Variants in VWA5B2 observed in about 807,000 individuals in gnomAD.
VWA5B2 encodes von Willebrand factor A domain-containing protein 5B2.
VWA5B2 carries 93 observed loss-of-function variants against 118.5 expected under a neutral mutation model. That is an observed-to-expected ratio of 0.79 (90% CI 0.66 to 0.93). The LOEUF (loss-of-function observed/expected upper bound fraction) is 0.93. Ranked by LOEUF, VWA5B2 falls within the 40% of genes least tolerant of loss-of-function variation. The probability of loss-of-function intolerance (pLI) is 0.00; values close to 1 mark genes in which losing one functional copy is unlikely to be tolerated. For synonymous variants in VWA5B2, 708 were observed against 716.3 expected (o/e 0.99, Z 0.19); for missense variants, 1,546 against 1,672.8 (o/e 0.92, Z 1.32).
In VWA5B2 at chr3:184,241,244, A is replaced by G. The variant is rs1473668812; in HGVS notation, c.3020A>G (p.Lys1007Arg). ...AWDSDQNGNS[K>R]RALGDPATPT... ...GACTCGGACCAAAATGGCAACTCCA[A>G]GCGTGCTTTGGGGGACCCTGCCACT... Residue 1007 changes from lysine to arginine, a missense_variant, in exon 19 of 20, where the codon AAG (lysine) becomes AGG (arginine). By Grantham distance (26) the Lys-to-Arg change is conservative. Coordinates refer to ENST00000691901, the MANE Select transcript of VWA5B2 (RefSeq NM_001390846.1). The surrounding 1 kb of genome is among the most constrained non-coding windows in gnomAD (Gnocchi z 5.1). The G allele has an allele frequency of 6.4e-6, 10 of 1,551,108 alleles. No individual in the cohort carries two copies. Among genetic ancestry groups the G allele is most frequent in the Admixed American group, 3.9e-5 (2 of 50,954 alleles).
intron 1 of VWA5B2, among the ~76,000 whole-genome samples, 116 bp downstream of exon 1, chr3:184,229,829 G>A (rs540439028): frequency 6.6e-6 from 1 of 152,260 alleles, no homozygotes; most frequent in Admixed American, 6.5e-5. Context: ...CTCTGCCGGG[G>A]TAGGGAGCGG....
Position 184,241,126 on chromosome 3 carries a change from G to C in VWA5B2, c.2962+19G>C, listed in dbSNP as rs1421455757. On this transcript the variant is annotated intron_variant, in intron 18 of 19. Coordinates refer to ENST00000691901, the MANE Select transcript of VWA5B2 (RefSeq NM_001390846.1). The surrounding 1 kb of genome is among the most constrained non-coding windows in gnomAD (Gnocchi z 5.1). ...TCTAAAGGTAACACCCAAAGGTAGG[G>C]AAAGGGTAGGGGCACTTGGGCTTAG... 2.6e-6 allele frequency: 4 copies of C among 1,551,626 alleles called. No homozygotes were observed. The African/African-American group carries it at 4.1e-5, about 16-fold the overall frequency.
chr3:184,240,678 C>T, intron 16 of VWA5B2, 113 bp from the exon 17 acceptor site: 1 of 1,414,686 alleles, frequency 7.1e-7, no homozygotes, highest in Non-Finnish European at 9.4e-7. Flanking sequence ...AGGCAATCTA[C>T]TCTGTTAAAG....
chr3:184,239,849 C>G lies in VWA5B2; in HGVS notation c.2553C>G (p.Pro851=). The change falls in exon 16 of 20, where the codon CCC becomes CCG. Residue 851 remains proline (P), a synonymous_variant. Transcript: ENST00000691901. The surrounding 1 kb of genome is among the most constrained non-coding windows in gnomAD (Gnocchi z 5.1). ...TCCGGGGCCTGTGTGGGGAGCAGCCCATGTGCTGGGAGGTGGGTGTTGGGC... is the reference window on the plus strand; with the variant it reads ...TCCGGGGCCTGTGTGGGGAGCAGCCGATGTGCTGGGAGGTGGGTGTTGGGC... ...VVIRGLCGEQ[P]MCWEVGVGLE... 6.4e-7 allele frequency: 1 copy of G among 1,551,652 alleles called. No individual in the cohort carries two copies. The highest frequency in any genetic ancestry group is 8.7e-7 in the Non-Finnish European group (1 of 1,146,958).
In VWA5B2 at chr3:184,241,432, G is replaced by A. The variant is rs1248601105; in HGVS notation, c.3180+28G>A. ...GAGGACTCGGGAGGTGGAGGGTGGT[G>A]CCGCCGGGGCCGGGCGCTGTTTCAG... On this transcript the variant is annotated intron_variant, in intron 19 of 19. Coordinates refer to ENST00000691901, the MANE Select transcript of VWA5B2 (RefSeq NM_001390846.1). The surrounding 1 kb of genome is among the most constrained non-coding windows in gnomAD (Gnocchi z 5.1). 1.3e-6 allele frequency: 2 copies of A among 1,570,160 alleles called. No individual in the cohort carries two copies. The highest frequency in any genetic ancestry group is 1.2e-5 in the South Asian group (1 of 85,236).
chr3:184,235,586 A>G (rs569850059), intron 8 of VWA5B2, among the ~76,000 whole-genome samples: 1 of 152,276 alleles, frequency 6.6e-6, no homozygotes, highest in East Asian at 1.9e-4. Context: ...ACTCAGTCAC[A>G]GGGAGTCACT....
rs928042882 is a variant in VWA5B2, at chr3:184,229,672, A to G, written c.-191A>G. On this transcript the variant is annotated 5_prime_UTR_variant, in exon 1 of 20. Transcript: ENST00000691901. ...GGAGCGCAGAGGCGGCACCACCCACACGGATCCCGTGGGCACCTAGAACTC... is the reference window on the plus strand; with the variant it reads ...GGAGCGCAGAGGCGGCACCACCCACGCGGATCCCGTGGGCACCTAGAACTC... Among the ~76,000 whole-genome samples the G allele has an allele frequency of 6.6e-6, 1 of 152,050 alleles. No homozygotes were observed. The highest frequency in any genetic ancestry group is 1.5e-5 in the Non-Finnish European group (1 of 67,958).
At chr3:184,230,002 A>G (rs991307277) in intron 1 of VWA5B2, among the ~76,000 whole-genome samples, 4 of 152,168 alleles carry the variant, frequency 2.6e-5, no homozygotes, top group African/African-American at 7.2e-5. Context: ...AGAAAGACCA[A>G]GGCCCTTTCG....
rs1717685355 is a variant in VWA5B2 at position 184,233,955 on chromosome 3, A to C, written c.688+222A>C. On this transcript the variant is annotated intron_variant, in intron 5 of 19. Coordinates refer to ENST00000691901, the MANE Select transcript of VWA5B2 (RefSeq NM_001390846.1). This position sits in a 1 kb window ranked among gnomAD's most constrained non-coding sequence, Gnocchi z 5.2. ...AGGTAATTTATTTATATCTCATCCC[A>C]CCCAGCAGTGGGAAGAGAGATACTT... 6.6e-6 allele frequency among the ~76,000 whole-genome samples: 1 copy of C among 152,110 alleles called. No homozygotes were observed. Among genetic ancestry groups the C allele is most frequent in the African/African-American group, 2.4e-5 (1 of 41,408 alleles).
At chr3:184,240,709 G>C in intron 16 of VWA5B2, 82 bp from the exon 17 acceptor site, 1 of 1,506,344 alleles carries the variant, frequency 6.6e-7, no homozygotes, top group Non-Finnish European at 8.9e-7. Flanking sequence ...GAGAAGCTGG[G>C]GAGAACACTG....
Position 184,237,401 on chromosome 3 carries a change from G to T in VWA5B2, c.1709G>T (p.Arg570Leu). 1 of 1,548,602 alleles carries T rather than the reference G, an allele frequency of 6.5e-7. No homozygotes were observed. The highest frequency in any genetic ancestry group is 8.7e-7 in the Non-Finnish European group (1 of 1,145,142). Residue 570 changes from arginine to leucine, a missense_variant, in exon 12 of 20, where the codon CGC becomes CTC. Arg to Leu is a moderately radical substitution (Grantham distance 102, BLOSUM62 -2). This residue lies in a region of VWA5B2 where 775 missense variants were observed against 882.3 expected (regional missense o/e 0.88). Coordinates refer to ENST00000691901, the MANE Select transcript of VWA5B2 (RefSeq NM_001390846.1). This position sits in a 1 kb window ranked among gnomAD's most constrained non-coding sequence, Gnocchi z 5.6. ...TTCAGGGTGGATGGCTTCCGGTCCC[G>T]CCCACCAGGGGTAAGCTTGGGCTGG... The part of the protein sequence containing the change: ...SLFRVDGFRS[R>L]PPGGQEPGWQ...
At position 184,233,755 on chromosome 3, in the gene VWA5B2, G is replaced by A; in HGVS notation, c.688+22G>A. 4 of 1,548,350 alleles carry A rather than the reference G, an allele frequency of 2.6e-6. No homozygotes were observed. Among genetic ancestry groups the A allele is most frequent in the Non-Finnish European group, 3.5e-6 (4 of 1,146,274 alleles). On this transcript the variant is annotated intron_variant, in intron 5 of 19. Coordinates refer to ENST00000691901, the MANE Select transcript of VWA5B2 (RefSeq NM_001390846.1). The surrounding 1 kb of genome is among the most constrained non-coding windows in gnomAD (Gnocchi z 5.2). ...GCAGGTGGGTGCATCTGGCTGGCCTGCCCTCTTTTCAGATGCCCACTCCAC... is the reference window on the plus strand; with the variant it reads ...GCAGGTGGGTGCATCTGGCTGGCCTACCCTCTTTTCAGATGCCCACTCCAC...
intron 6 of VWA5B2, 107 bp from the exon 7 acceptor site, chr3:184,234,524 G>A (rs541297286): frequency 6.6e-7 from 1 of 1,523,676 alleles, no homozygotes; most frequent in Non-Finnish European, 8.8e-7. Context: ...GGCAGAGCCT[G>A]TGGTGCAGGA....
intron 11 of VWA5B2, 86 bp downstream of exon 11, chr3:184,236,835 G>A: frequency 2.5e-6 from 3 of 1,177,718 alleles, no homozygotes; most frequent in South Asian, 1.6e-5. Context: ...ACTCAGGCAG[G>A]CCATGGGGGC....
Position 184,237,280 on chromosome 3 carries a change from GA to G in VWA5B2, c.1589del (p.Asp530AlafsTer12). ...LEPALSDISV[D>X]WFVPDTVEAL... ...GCCTGCTTTGAGTGACATCTCTGTG[GA>G]CTGGTTTGTGCCCGACACTGTGGAG... On this transcript the variant is annotated frameshift_variant, in exon 12 of 20. Coordinates refer to ENST00000691901, the MANE Select transcript of VWA5B2 (RefSeq NM_001390846.1). LOFTEE classifies it high-confidence loss of function. The surrounding 1 kb of genome is among the most constrained non-coding windows in gnomAD (Gnocchi z 5.6). 1 of 1,551,662 alleles carries G rather than the reference GA, an allele frequency of 6.4e-7. No homozygotes were observed. The highest frequency in any genetic ancestry group is 8.7e-7 in the Non-Finnish European group (1 of 1,147,014).
chr3:184,239,015 A>G lies in VWA5B2; in HGVS notation c.2202+142A>G. ...TAAATCCCCAACGATACCATGTAACAACCAGTGATGAGCACAAGGACATGT... is the reference window on the plus strand; with the variant it reads ...TAAATCCCCAACGATACCATGTAACGACCAGTGATGAGCACAAGGACATGT... On this transcript the variant is annotated intron_variant, in intron 14 of 19. Transcript: ENST00000691901. The surrounding 1 kb of genome is among the most constrained non-coding windows in gnomAD (Gnocchi z 5.1). The G allele has an allele frequency of 3.2e-6, 3 of 948,186 alleles. No homozygotes were observed. Among genetic ancestry groups the G allele is most frequent in the Non-Finnish European group, 4.6e-6 (3 of 649,468 alleles). The allele number at this position is 948,186 out of a possible 1,614,324, so 58.7% of individuals were successfully genotyped here.
chr3:184,234,718 A>T lies in VWA5B2; in HGVS notation c.908A>T (p.Gln303Leu). The change falls in exon 7 of 20, where the codon CAG (glutamine) becomes CTG (leucine). Residue 303 changes from glutamine to leucine, a missense_variant. Gln to Leu is a moderately radical substitution (Grantham distance 113). Transcript: ENST00000691901. ...CGGGTGAGGGCCCGCCGAGATTTTCAGAGGCTACAGCGAAGGGACAGTGAT... is the reference window on the plus strand; with the variant it reads ...CGGGTGAGGGCCCGCCGAGATTTTCTGAGGCTACAGCGAAGGGACAGTGAT... ...EARVRARRDF[Q>L]RLQRRDSDGD... 6.4e-7 allele frequency: 1 copy of T among 1,551,502 alleles called. No individual in the cohort carries two copies.
Position 184,237,342 on chromosome 3 carries a change from C to T in VWA5B2, c.1650C>T (p.Tyr550=). The T allele has an allele frequency of 1.3e-6, 2 of 1,551,334 alleles. No homozygotes were observed. The highest frequency in any genetic ancestry group is 8.7e-7 in the Non-Finnish European group (1 of 1,146,958). Residue 550 remains tyrosine (Y), a synonymous_variant, in exon 12 of 20, where the codon TAC becomes TAT. Coordinates refer to ENST00000691901, the MANE Select transcript of VWA5B2 (RefSeq NM_001390846.1). This position sits in a 1 kb window ranked among gnomAD's most constrained non-coding sequence, Gnocchi z 5.6. The part of the protein sequence containing the change: ...LLTPREIPAL[Y]PGDQLLGYCS... ...CCCCCCGGGAGATCCCAGCACTCTA[C>T]CCTGGGGACCAGCTGCTCGGTTACT...
Position 184,230,490 on chromosome 3 carries a change from T to C in VWA5B2, c.-39T>C. ...GGCGTCCCGTCACCCTGCGCCCAGC[T>C]TCCCCGGCCCGTTCCCGCAGGGCCG... On this transcript the variant is annotated 5_prime_UTR_variant, in exon 2 of 20. Coordinates refer to ENST00000691901, the MANE Select transcript of VWA5B2 (RefSeq NM_001390846.1). The C allele has an allele frequency of 7.1e-7, 1 of 1,409,242 alleles. No homozygotes were observed. The highest frequency in any genetic ancestry group is 3.1e-5 in the East Asian group (1 of 32,504). 87.3% of individuals were successfully genotyped at this position (1,409,242 alleles called of 1,614,324 possible). A position where few individuals can be genotyped will look rare whatever the true frequency, so the allele number is the denominator to read the frequency against.
Sources: allele counts gnomAD v4.1 joint callset (sites outside exome capture counted in the v4.1 genomes callset), GRCh38; gene constraint gnomAD v4.1.1; regional missense constraint gnomAD v4.1.1; non-coding constraint Gnocchi (gnomAD v3.1); transcripts MANE v1.5; gene names NCBI Gene and HGNC (gene_info 2026-07-23, HGNC 2026-07-21).